Variants in OSBPL9 observed in about 807,000 individuals in gnomAD.
OSBPL9 encodes oxysterol binding protein like 9.
OSBPL9 carries 40 observed loss-of-function variants against 106.6 expected under a neutral mutation model. The observed-to-expected ratio is 0.38, with a 90% CI of 0.29 to 0.49. The LOEUF (loss-of-function observed/expected upper bound fraction) is 0.49. Among genes scored for constraint, OSBPL9 ranks in the 20% least tolerant of loss-of-function variants. The probability of loss-of-function intolerance (pLI) is 0.97; values close to 1 mark genes in which losing one functional copy is unlikely to be tolerated. For missense variants in OSBPL9, 609 were observed against 887.2 expected, an observed-to-expected ratio of 0.69 and a Z score of 3.98; for synonymous variants, 269 against 295.4, an observed-to-expected ratio of 0.91 and a Z score of 0.92.
At chr1:51,583,170 G>A (rs1361405049) in intron 1 of OSBPL9, among the ~76,000 whole-genome samples, 1 of 152,118 alleles carries the variant, frequency 6.6e-6, no homozygotes, top group East Asian at 1.9e-4. Flanking sequence ...GTAGTAGGGT[G>A]TTATTTAACA....
At chr1:51,554,712 A>G in the OSBPL9 span, among the ~76,000 whole-genome samples, 2 of 152,228 alleles carry the variant, frequency 1.3e-5, no homozygotes, top group African/African-American at 2.4e-5. Context: ...AATAGTGAAC[A>G]ACTGAGGAGT....
At chr1:51,684,558 T>A (rs1032405822) in intron 3 of OSBPL9, among the ~76,000 whole-genome samples, 1 of 152,124 alleles carries the variant, frequency 6.6e-6, no homozygotes, top group African/African-American at 2.4e-5. Flanking sequence ...TGAGGTGGAG[T>A]CTTGCTCTGT....
intron 1 of OSBPL9, among the ~76,000 whole-genome samples, chr1:51,644,944 G>C (rs1036555986): frequency 6.6e-6 from 1 of 152,160 alleles, no homozygotes; most frequent in East Asian, 1.9e-4. Context: ...GCATTCATGT[G>C]TTGGAAACTT....
intron 1 of OSBPL9, among the ~76,000 whole-genome samples, chr1:51,579,652 G>T (rs1370060736): frequency 1.3e-5 from 2 of 151,892 alleles, no homozygotes; most frequent in Non-Finnish European, 2.9e-5. Flanking sequence ...TACTTTCCCA[G>T]AAGTTTGAGA....
intron 3 of OSBPL9, among the ~76,000 whole-genome samples, chr1:51,690,414 T>G (rs1654714244): frequency 6.6e-6 from 1 of 152,216 alleles, no homozygotes; most frequent in Non-Finnish European, 1.5e-5. Flanking sequence ...AAGTGGAAGT[T>G]GTGGGGGAGG....
At chr1:51,712,240 G>A (rs947300453) in intron 3 of OSBPL9, among the ~76,000 whole-genome samples, 6 of 152,344 alleles carry the variant, frequency 3.9e-5, no homozygotes, top group South Asian at 4.1e-4. Context: ...GCGAAACCCC[G>A]TCTCCACCAA....
intron 9 of OSBPL9, among the ~76,000 whole-genome samples, chr1:51,758,078 A>G (rs1456899338): frequency 6.6e-6 from 1 of 152,180 alleles, no homozygotes; most frequent in Non-Finnish European, 1.5e-5. Flanking sequence ...TTGGCTGACC[A>G]AGGACTGTGG....
At chr1:51,650,486 G>A (rs1646445813) in intron 1 of OSBPL9, among the ~76,000 whole-genome samples, 1 of 152,070 alleles carries the variant, frequency 6.6e-6, no homozygotes. Flanking sequence ...CTTTCACTGT[G>A]TTATTAGTAA....
chr1:51,530,517 T>G, the OSBPL9 span, among the ~76,000 whole-genome samples: 1 of 151,354 alleles, frequency 6.6e-6, no homozygotes, highest in Non-Finnish European at 1.5e-5. Context: ...TTCGGGAGGC[T>G]GAGGCTGGAG....
At chr1:51,600,306 C>G (rs1264529353) in intron 2 of OSBPL9, among the ~76,000 whole-genome samples, 2 of 152,154 alleles carry the variant, frequency 1.3e-5, no homozygotes, top group Admixed American at 6.6e-5. Flanking sequence ...AAAGAGATGT[C>G]AGGCTTAGAG....
intron 23 of OSBPL9, 90 bp from the exon 24 acceptor site, chr1:51,787,625 T>A (rs1033178003): frequency 6.3e-7 from 1 of 1,585,988 alleles, no homozygotes; most frequent in Non-Finnish European, 8.6e-7. Flanking sequence ...TTCAGTCTAA[T>A]GGCGGGGTGG....
In OSBPL9 at chr1:51,781,303, T is replaced by C. The variant is rs943007022; in HGVS notation, c.1396T>C (p.Trp466Arg). The change falls in exon 16 of 24, where the codon TGG becomes CGG. Residue 466 changes from tryptophan to arginine, a missense_variant. Transcript: ENST00000428468. ...PILGEIFQCH[W>R]TLPNDTEENT... The stretch of plus-strand genomic sequence containing the variant: ...TTTGGGCGAGATTTTTCAGTGTCAT[T>C]GGACATTACCAAATGATACTGAAGA... 1 of 1,614,192 alleles carries C rather than the reference T, an allele frequency of 6.2e-7. No individual in the cohort carries two copies. The highest frequency in any genetic ancestry group is 8.5e-7 in the Non-Finnish European group (1 of 1,180,014).
chr1:51,741,132 G>A (rs1406194019), intron 4 of OSBPL9, among the ~76,000 whole-genome samples: 1 of 152,146 alleles, frequency 6.6e-6, no homozygotes, highest in African/African-American at 2.4e-5. Flanking sequence ...TCTGAAAAAA[G>A]TAGTGTTATT....
chr1:51,691,331 GT>G (rs1654915200), intron 3 of OSBPL9, among the ~76,000 whole-genome samples: 1 of 142,162 alleles, frequency 7.0e-6, no homozygotes, highest in Non-Finnish European at 1.5e-5. Flanking sequence ...CCAGGCTGGA[GT>G]GTGGTGGCAT....
the OSBPL9 span, among the ~76,000 whole-genome samples, chr1:51,536,120 T>G: frequency 6.6e-6 from 1 of 152,196 alleles, no homozygotes; most frequent in Non-Finnish European, 1.5e-5. Flanking sequence ...ACCCACTCAG[T>G]ATGACAATCA....
chr1:51,537,984 T>C, the OSBPL9 span, among the ~76,000 whole-genome samples: 4 of 152,144 alleles, frequency 2.6e-5, no homozygotes, highest in African/African-American at 7.2e-5. Context: ...AATGTCTTTA[T>C]TCATTTGTTT....
At chr1:51,556,717 C>T in the OSBPL9 span, among the ~76,000 whole-genome samples, 1 of 149,648 alleles carries the variant, frequency 6.7e-6, no homozygotes, top group Non-Finnish European at 1.5e-5. Flanking sequence ...ACCTGGGAGG[C>T]GGAGGTTGCA....
intron 15 of OSBPL9, among the ~76,000 whole-genome samples, chr1:51,779,656 T>C (rs1015582622): frequency 6.6e-6 from 1 of 151,152 alleles, no homozygotes; most frequent in African/African-American, 2.4e-5. Flanking sequence ...AAAGGACTAA[T>C]ATCCAGAATC....
rs549609196 is a variant in OSBPL9 at position 51,586,296 on chromosome 1, CTTCTA to C, written c.-423+9045_-423+9049del. Among the ~76,000 whole-genome samples the C allele has an allele frequency of 1.1e-3, 171 of 151,880 alleles. 1 individual carries two copies. Among genetic ancestry groups the C allele is most frequent in the African/African-American group, 3.8e-3 (158 of 41,350 alleles). ...ATTATTTACCATTTTGGTACATTTT[CTTCTA>C]TTCTTTTTTTATGCACAAATATATT... On this transcript the variant is annotated intron_variant, in intron 1 of 25. Transcript: ENST00000371714.
Sources: allele counts gnomAD v4.1 joint callset (sites outside exome capture counted in the v4.1 genomes callset), GRCh38; gene constraint gnomAD v4.1.1; transcripts MANE v1.5; gene names NCBI Gene and HGNC (gene_info 2026-07-23, HGNC 2026-07-21).